Variants in TMEM63B observed in about 807,000 individuals in gnomAD.
TMEM63B encodes the protein mechanosensitive cation channel TMEM63B.
In TMEM63B, 23 loss-of-function variants were observed where a neutral mutation model predicts 102.6. That is an observed-to-expected ratio of 0.22 (90% CI 0.16 to 0.32). The LOEUF is 0.32. Ranked by LOEUF, TMEM63B falls within the 10% of genes least tolerant of loss-of-function variation. The pLI is 1.00. For synonymous variants in TMEM63B, 444 were observed against 437.0 expected, an observed-to-expected ratio of 1.02 and a Z score of -0.20; for missense variants, 628 against 1,095.9, an observed-to-expected ratio of 0.57 and a Z score of 6.03.
chr6:44,135,401 A>C, intron 4 of TMEM63B, 35 bp downstream of exon 4: 1 of 1,591,628 alleles, frequency 6.3e-7, no homozygotes, highest in South Asian at 1.1e-5. Flanking sequence ...TTCCCACTAA[A>C]CCAGCTTTCC....
At chr6:44,130,957 G>T (rs560923226) in intron 1 of TMEM63B, among the ~76,000 whole-genome samples, 2 of 151,312 alleles carry the variant, frequency 1.3e-5, no homozygotes, top group African/African-American at 4.9e-5. Flanking sequence ...TCACTCTGTC[G>T]CCCAGGCTGG....
intron 5 of TMEM63B, among the ~76,000 whole-genome samples, chr6:44,137,666 A>T (rs1166731102): frequency 6.6e-6 from 1 of 150,510 alleles, no homozygotes; most frequent in East Asian, 1.9e-4. Flanking sequence ...CTGCCTTTAC[A>T]TGCCTGGAGG....
chr6:44,151,199 A>T (rs1766531512), intron 18 of TMEM63B, among the ~76,000 whole-genome samples: 1 of 152,032 alleles, frequency 6.6e-6, no homozygotes, highest in Non-Finnish European at 1.5e-5. Context: ...AACATCTCTA[A>T]AATTTCAGGC....
intron 9 of TMEM63B, among the ~76,000 whole-genome samples, 185 bp from the exon 10 acceptor site, chr6:44,140,843 G>C (rs542644343): frequency 6.6e-6 from 1 of 152,086 alleles, no homozygotes; most frequent in Non-Finnish European, 1.5e-5. Flanking sequence ...ACACTCCCCT[G>C]CTTTCCCTGG....
At chr6:44,131,786 C>T (rs1372690337) in intron 1 of TMEM63B, among the ~76,000 whole-genome samples, 2 of 149,368 alleles carry the variant, frequency 1.3e-5, no homozygotes, top group Non-Finnish European at 2.9e-5. Context: ...CCACCATGCA[C>T]ACACTCCTTA....
chr6:44,131,777 C>G (rs1004442284), intron 1 of TMEM63B, among the ~76,000 whole-genome samples: 1 of 151,886 alleles, frequency 6.6e-6, no homozygotes, highest in Non-Finnish European at 1.5e-5. Context: ...CTCCAACCCC[C>G]ACCATGCACA....
chr6:44,139,725 TTTGGGAGAACCACCA>T lies in TMEM63B; in HGVS notation c.572_586del (p.Gly191_Ile195del). On this transcript the variant is annotated inframe_deletion, in exon 8 of 24. Coordinates refer to ENST00000323267, the MANE Select transcript of TMEM63B (RefSeq NM_018426.3). Reference sequence around the variant, plus strand: ...CCCCACAGAGAACAATGCCTACAGCTTTGGGAGAACCACCATTGCCAACTTGAAATCAGGGTAAGA... The same window carrying T: ...CCCCACAGAGAACAATGCCTACAGCTTTGCCAACTTGAAATCAGGGTAAGA... The T allele has an allele frequency of 6.2e-7, 1 of 1,614,082 alleles. No individual in the cohort carries two copies. Among genetic ancestry groups the T allele is most frequent in the Non-Finnish European group, 8.5e-7 (1 of 1,180,032 alleles).
chr6:44,147,274 C>T, intron 11 of TMEM63B, 103 bp from the exon 12 acceptor site: 2 of 1,577,566 alleles, frequency 1.3e-6, no homozygotes, highest in Non-Finnish European at 1.7e-6. Context: ...GTATCCTAAA[C>T]AAGAACAAGA....
intron 10 of TMEM63B, among the ~76,000 whole-genome samples, chr6:44,143,520 C>G (rs573373307): frequency 6.6e-6 from 1 of 152,024 alleles, no homozygotes; most frequent in African/African-American, 2.4e-5. Flanking sequence ...CTTAATATTA[C>G]CATCCAGTTG....
chr6:44,147,856 G>C (rs746069536), intron 12 of TMEM63B, among the ~76,000 whole-genome samples: 6 of 152,206 alleles, frequency 3.9e-5, no homozygotes, highest in Non-Finnish European at 8.8e-5. Flanking sequence ...GGGTGCGGTG[G>C]CATATGCCTG....
At chr6:44,151,291 C>A (rs1462268853) in intron 18 of TMEM63B, among the ~76,000 whole-genome samples, 1 of 152,112 alleles carries the variant, frequency 6.6e-6, no homozygotes, top group Non-Finnish European at 1.5e-5. Flanking sequence ...AGGTCATGCA[C>A]CATGGCTGTG....
intron 1 of TMEM63B, among the ~76,000 whole-genome samples, chr6:44,129,050 A>G (rs1777790401): frequency 6.6e-6 from 1 of 152,216 alleles, no homozygotes; most frequent in Admixed American, 6.5e-5. Flanking sequence ...CAGCTGTGTG[A>G]CCTTGACAAG....
At chr6:44,128,714 C>G (rs980231646) in intron 1 of TMEM63B, among the ~76,000 whole-genome samples, 1 of 152,260 alleles carries the variant, frequency 6.6e-6, no homozygotes, top group East Asian at 1.9e-4. Flanking sequence ...TGCCCAACAC[C>G]TGCTGAAGAG....
rs976539203 is a variant in TMEM63B at position 44,150,121 on chromosome 6, A to G, written c.1521-103A>G. ...CCAGCACCCTCACCTTGGGAGGCCC[A>G]CCCTTCCCAGGGGACACTCCTTGGA... On this transcript the variant is annotated intron_variant, in intron 16 of 23. Coordinates refer to ENST00000323267, the MANE Select transcript of TMEM63B (RefSeq NM_018426.3). The surrounding 1 kb of genome is among the most constrained non-coding windows in gnomAD (Gnocchi z 4.7). 5.1e-6 allele frequency: 7 copies of G among 1,376,122 alleles called. No individual in the cohort carries two copies. The African/African-American group carries it at 1.0e-4, about 20-fold the overall frequency. The allele number at this position is 1,376,122 out of a possible 1,614,324, so 85.2% of individuals were successfully genotyped here.
chr6:44,154,333 C>T (rs1767540763), intron 22 of TMEM63B, 32 bp from the exon 23 acceptor site: 14 of 1,612,660 alleles, frequency 8.7e-6, no homozygotes, highest in East Asian at 2.2e-5. Context: ...AGGACATGCC[C>T]CCACTTCCTG....
In TMEM63B at chr6:44,150,033, G is replaced by A; in HGVS notation, c.1520+68G>A. 6.7e-7 allele frequency: 1 copy of A among 1,501,540 alleles called. No homozygotes were observed. Among genetic ancestry groups the A allele is most frequent in the Non-Finnish European group, 9.1e-7 (1 of 1,093,304 alleles). The allele number at this position is 1,501,540 out of a possible 1,614,324, so 93.0% of individuals were successfully genotyped here. A position where few individuals can be genotyped will look rare whatever the true frequency, so the allele number is the denominator to read the frequency against. ...CTCAATGACCCATCCTCTCTGGGCAGCACTTTGCCCTTCAGGCTCCTGGCC... is the reference window on the plus strand; with the variant it reads ...CTCAATGACCCATCCTCTCTGGGCAACACTTTGCCCTTCAGGCTCCTGGCC... On this transcript the variant is annotated intron_variant, in intron 16 of 23. Coordinates refer to ENST00000323267, the MANE Select transcript of TMEM63B (RefSeq NM_018426.3). This position sits in a 1 kb window ranked among gnomAD's most constrained non-coding sequence, Gnocchi z 4.7.
In TMEM63B at chr6:44,150,744, A is replaced by G. The variant is rs1766428809; in HGVS notation, c.1673+115A>G. ...AAAGCTTCCAACTCCTGGAGGGGGCAGAAGAGAGAGGATCTGGCGGGGTTA... is the reference window on the plus strand; with the variant it reads ...AAAGCTTCCAACTCCTGGAGGGGGCGGAAGAGAGAGGATCTGGCGGGGTTA... On this transcript the variant is annotated intron_variant, in intron 18 of 23. Transcript: ENST00000323267. This position sits in a 1 kb window ranked among gnomAD's most constrained non-coding sequence, Gnocchi z 4.7. The G allele has an allele frequency of 9.0e-7, 1 of 1,112,324 alleles. No individual in the cohort carries two copies. Among genetic ancestry groups the G allele is most frequent in the Non-Finnish European group, 1.3e-6 (1 of 750,334 alleles). 68.9% of individuals were successfully genotyped at this position (1,112,324 alleles called of 1,614,324 possible). A position where few individuals can be genotyped will look rare whatever the true frequency, so the allele number is the denominator to read the frequency against.
intron 4 of TMEM63B, among the ~76,000 whole-genome samples, chr6:44,136,021 G>C (rs548475106): frequency 6.6e-6 from 1 of 151,972 alleles, no homozygotes; most frequent in African/African-American, 2.4e-5. Context: ...GCCCGCCCCC[G>C]GCCCCTGCCA....
chr6:44,145,615 AAAAC>A (rs147014145), intron 10 of TMEM63B, among the ~76,000 whole-genome samples: 4,095 of 150,336 alleles, frequency 0.027, 66 homozygotes, highest in Middle Eastern at 0.061. Context: ...AACAAAAACA[AAAAC>A]AAAAACGAAA....
Sources: allele counts gnomAD v4.1 joint callset (sites outside exome capture counted in the v4.1 genomes callset), GRCh38; gene constraint gnomAD v4.1.1; non-coding constraint Gnocchi (gnomAD v3.1); transcripts MANE v1.5; gene names NCBI Gene and HGNC (gene_info 2026-07-23, HGNC 2026-07-21).